The following INPP4A variants were observed in gnomAD, a reference collection of about 807,000 sequenced individuals.
INPP4A encodes inositol polyphosphate-4-phosphatase, type I, 107kD.
A neutral mutation model predicts 119.8 loss-of-function variants in INPP4A; 33 were observed. That is an observed-to-expected ratio of 0.28 (90% CI 0.21 to 0.37). INPP4A has a LOEUF of 0.37. INPP4A is among the 10% of genes least tolerant of loss of function. INPP4A has a pLI of 1.00. For synonymous variants in INPP4A, 496 were observed against 500.7 expected, an observed-to-expected ratio of 0.99 and a Z score of 0.12; for missense variants, 956 against 1,289.9, an observed-to-expected ratio of 0.74 and a Z score of 3.97.
intron 1 of INPP4A, among the ~76,000 whole-genome samples, chr2:98,506,332 TCTG>T (rs1328190814): frequency 1.3e-5 from 2 of 152,178 alleles, no homozygotes; most frequent in Middle Eastern, 3.2e-3. Flanking sequence ...AGGTCCTACT[TCTG>T]CTGCTGCTGC....
intron 24 of INPP4A, 30 bp from the exon 25 acceptor site, chr2:98,587,446 C>T (rs751212158): frequency 7.1e-6 from 11 of 1,540,046 alleles, no homozygotes; most frequent in African/African-American, 4.2e-5. Context: ...TTTTTACTGC[C>T]GTCATTTCTT....
At chr2:98,463,550 A>G (rs562202260) in intron 1 of INPP4A, among the ~76,000 whole-genome samples, 1 of 152,386 alleles carries the variant, frequency 6.6e-6, no homozygotes, top group Admixed American at 6.5e-5. Flanking sequence ...CATTCATCAC[A>G]GGCGAGGTGA....
chr2:98,539,772 CTG>C, intron 10 of INPP4A, 97 bp downstream of exon 10: 1 of 1,257,818 alleles, frequency 8.0e-7, no homozygotes, highest in Non-Finnish European at 1.1e-6. Context: ...ATCAGATAGA[CTG>C]GACTGCAAAC....
At chr2:98,573,613 G>A (rs950691570) in intron 23 of INPP4A, among the ~76,000 whole-genome samples, 1 of 152,148 alleles carries the variant, frequency 6.6e-6, no homozygotes. Flanking sequence ...CAGCCACCAC[G>A]CCTCGTCACA....
intron 1 of INPP4A, among the ~76,000 whole-genome samples, chr2:98,469,264 C>T (rs1056426620): frequency 2.6e-5 from 4 of 152,010 alleles, no homozygotes; most frequent in South Asian, 2.1e-4. Flanking sequence ...TTTGGGAGGC[C>T]GAGGTGGGTA....
At chr2:98,461,871 T>G (rs1697218834) in intron 1 of INPP4A, among the ~76,000 whole-genome samples, 1 of 152,220 alleles carries the variant, frequency 6.6e-6, no homozygotes, top group South Asian at 2.1e-4. Flanking sequence ...TGCTGCAGAT[T>G]CTTCAACCAG....
At chr2:98,525,911 A>G (rs79328891) in intron 4 of INPP4A, among the ~76,000 whole-genome samples, 2,355 of 152,262 alleles carry the variant, frequency 0.015, 69 homozygotes, top group African/African-American at 0.054. Flanking sequence ...AACACATTGG[A>G]AAACTGTTGG....
chr2:98,559,147 G>A (rs568810908), intron 16 of INPP4A, among the ~76,000 whole-genome samples: 15 of 152,310 alleles, frequency 9.8e-5, no homozygotes, highest in African/African-American at 3.4e-4. Context: ...GCTTTTTTCT[G>A]TGGCATTTAT....
At position 98,588,691 on chromosome 2, in the gene INPP4A, G is replaced by T; in HGVS notation, c.*1083G>T. 1 of 222,344 alleles carries T rather than the reference G, an allele frequency of 4.5e-6. No homozygotes were observed. Among genetic ancestry groups the T allele is most frequent in the Non-Finnish European group, 9.0e-6 (1 of 111,250 alleles). The allele number at this position is 222,344 out of a possible 1,614,324, so 13.8% of individuals were successfully genotyped here. On this transcript the variant is annotated 3_prime_UTR_variant, in exon 25 of 25. Transcript: ENST00000409851. The stretch of plus-strand genomic sequence containing the variant: ...AAATGAGATTTTGAAAGGGATTTAT[G>T]GGCCATAAAACTTAGGAATTTCATA...
rs1361657769 is a variant in INPP4A at position 98,592,355 on chromosome 2, G to A, written c.*4747G>A. ...GAACCAAGGGGGTCAAGGAAGATTG[G>A]AGAGGAGTGGGCAGCAGGAAACAGC... On this transcript the variant is annotated 3_prime_UTR_variant, in exon 25 of 25. Transcript: ENST00000409851. 1.3e-5 allele frequency: 2 copies of A among 152,360 alleles called. No individual in the cohort carries two copies. The highest frequency in any genetic ancestry group is 2.9e-5 in the Non-Finnish European group (2 of 68,176). The allele number at this position is 152,360 out of a possible 1,614,324, so 9.4% of individuals were successfully genotyped here.
chr2:98,465,462 A>C (rs930341215), intron 1 of INPP4A, among the ~76,000 whole-genome samples: 6 of 152,204 alleles, frequency 3.9e-5, no homozygotes, highest in Non-Finnish European at 7.4e-5. Context: ...AACTTAATTG[A>C]GTCTGCAAAT....
chr2:98,460,681 G>A (rs930433508), intron 1 of INPP4A, among the ~76,000 whole-genome samples: 1 of 152,196 alleles, frequency 6.6e-6, no homozygotes, highest in Non-Finnish European at 1.5e-5. Context: ...TCTCCGCTCT[G>A]TGTTGGCTTT....
chr2:98,547,001 C>T (rs1393034611), intron 13 of INPP4A, among the ~76,000 whole-genome samples: 1 of 152,198 alleles, frequency 6.6e-6, no homozygotes, highest in Admixed American at 6.5e-5. Flanking sequence ...CCTTTAGAGT[C>T]CCTGGCCAGT....
chr2:98,490,767 A>T (rs1443097883), intron 1 of INPP4A, among the ~76,000 whole-genome samples: 1 of 152,210 alleles, frequency 6.6e-6, no homozygotes, highest in East Asian at 1.9e-4. Flanking sequence ...AGTCACCTGC[A>T]GCTGGTGGGG....
chr2:98,578,282 C>T (rs537440411), intron 24 of INPP4A, among the ~76,000 whole-genome samples: 4 of 152,256 alleles, frequency 2.6e-5, no homozygotes, highest in East Asian at 3.9e-4. Flanking sequence ...TGCTGAGGGA[C>T]GGCAGCCACG....
Position 98,546,515 on chromosome 2 carries a change from G to A in INPP4A, c.1055-71G>A. On this transcript the variant is annotated intron_variant, in intron 12 of 24. Transcript: ENST00000409851. This position sits in a 1 kb window ranked among gnomAD's most constrained non-coding sequence, Gnocchi z 4.2. Reference sequence around the variant, plus strand: ...GAGGGTCAGGACCCCAGACTTGTGTGCATATCCCTATAGCTGGCTTGTCCA... The same window carrying A: ...GAGGGTCAGGACCCCAGACTTGTGTACATATCCCTATAGCTGGCTTGTCCA... 1 of 1,040,496 alleles carries A rather than the reference G, an allele frequency of 9.6e-7. No individual in the cohort carries two copies. The highest frequency in any genetic ancestry group is 1.9e-5 in the Admixed American group (1 of 53,086). 64.5% of individuals were successfully genotyped at this position (1,040,496 alleles called of 1,614,324 possible). A position where few individuals can be genotyped will look rare whatever the true frequency, so the allele number is the denominator to read the frequency against.
intron 1 of INPP4A, among the ~76,000 whole-genome samples, chr2:98,517,973 G>A (rs1339801175): frequency 6.6e-6 from 1 of 152,180 alleles, no homozygotes; most frequent in Admixed American, 6.5e-5. Context: ...GACGAATTTA[G>A]GTGAAGGAAA....
chr2:98,471,630 G>A lies in INPP4A; in HGVS notation c.-166+26545G>A, dbSNP rs144769836. ...TCAACGCTCAGTGTGTGTTTGCCAA[G>A]TAGACTGTGTAGATTTGAAGTGCTT... On this transcript the variant is annotated intron_variant, in intron 1 of 24. Transcript: ENST00000409851. Among the ~76,000 whole-genome samples the A allele has an allele frequency of 8.6e-3, 1,308 of 152,340 alleles. 26 individuals carry two copies. Among genetic ancestry groups the A allele is most frequent in the African/African-American group, 0.03 (1,244 of 41,560 alleles).
chr2:98,594,315 GTTC>G lies in INPP4A; in HGVS notation c.*6710_*6712del, dbSNP rs1700514169. The G allele has an allele frequency of 6.6e-6, 1 of 152,158 alleles. No homozygotes were observed. Among genetic ancestry groups the G allele is most frequent in the Non-Finnish European group, 1.5e-5 (1 of 68,038 alleles). The allele number at this position is 152,158 out of a possible 1,614,324, so 9.4% of individuals were successfully genotyped here. The stretch of plus-strand genomic sequence containing the variant: ...GGCCAGTTACATGACAGATTACTTT[GTTC>G]TTAACATACGAACATCCTATTCACT... On this transcript the variant is annotated 3_prime_UTR_variant, in exon 25 of 25. Transcript: ENST00000409851.
Sources: gnomAD v4.1 joint callset for allele counts (sites outside exome capture counted in the v4.1 genomes callset) on GRCh38, gnomAD v4.1.1 for gene constraint, Gnocchi (gnomAD v3.1) non-coding constraint, MANE v1.5 for transcripts, NCBI Gene and HGNC (gene_info 2026-07-23, HGNC 2026-07-21) for gene names.